OR51M1: variants seen among roughly 807,000 people sequenced by gnomAD.
OR51M1 encodes the protein olfactory receptor 51M1.
For missense variants in OR51M1, 509 were observed against 404.4 expected (o/e 1.26, Z -2.22); for synonymous variants, 199 against 155.1 (o/e 1.28, Z -2.10).
chr11:5,387,280 C>CA (rs1397461131), intron 2 of OR51M1, among the ~76,000 whole-genome samples: 15 of 151,982 alleles, frequency 9.9e-5, no homozygotes, highest in South Asian at 8.3e-4. Flanking sequence ...AACTATTGCA[C>CA]AAAAAAATCA....
intron 2 of OR51M1, among the ~76,000 whole-genome samples, chr11:5,388,962 G>A (rs1849746275): frequency 6.6e-6 from 1 of 152,124 alleles, no homozygotes; most frequent in East Asian, 1.9e-4. Flanking sequence ...CTGAGATAAT[G>A]AAAAGTACAG....
chr11:5,385,282 A>G (rs775076774), intron 1 of OR51M1, 71 bp from the exon 2 acceptor site: 9 of 152,150 alleles, frequency 5.9e-5, no homozygotes, highest in Non-Finnish European at 1.3e-4. Flanking sequence ...AAATCCCCTA[A>G]AGCTTTCTTC....
chr11:5,388,603 A>G (rs1471092486), intron 2 of OR51M1, among the ~76,000 whole-genome samples: 1 of 149,606 alleles, frequency 6.7e-6, no homozygotes, highest in Admixed American at 6.8e-5. Flanking sequence ...GTGAATATAC[A>G]GAGGAAATTA....
intron 2 of OR51M1, among the ~76,000 whole-genome samples, chr11:5,387,824 A>G (rs1849722345): frequency 6.6e-6 from 1 of 152,066 alleles, no homozygotes. Context: ...TGACTACCCT[A>G]TATAAAATGC....
In OR51M1 at chr11:5,390,443, G is replaced by T; in HGVS notation, c.*64G>T. The T allele has an allele frequency of 7.3e-7, 1 of 1,361,236 alleles. No homozygotes were observed. The highest frequency in any genetic ancestry group is 9.9e-7 in the Non-Finnish European group (1 of 1,012,536). The allele number at this position is 1,361,236 out of a possible 1,614,324, so 84.3% of individuals were successfully genotyped here. ...GGCCCCAAATTGGACTGAAAATTTG[G>T]AGTATTGAGTATATAGCATGCTCTT... On this transcript the variant is annotated 3_prime_UTR_variant, in exon 3 of 3. Coordinates refer to ENST00000642046, the MANE Select transcript of OR51M1 (RefSeq NM_001004756.3).
rs867526297 is a variant in OR51M1 at position 5,388,659 on chromosome 11, G to T, written c.-15-725G>T. Among the ~76,000 whole-genome samples, 23 of 150,774 alleles carry T rather than the reference G, an allele frequency of 1.5e-4. 1 individual carries two copies. Among genetic ancestry groups the T allele is most frequent in the South Asian group, 1.5e-3 (7 of 4,706 alleles). On this transcript the variant is annotated intron_variant, in intron 2 of 2. Coordinates refer to ENST00000642046, the MANE Select transcript of OR51M1 (RefSeq NM_001004756.3). ...TATACACGGAGAGAAAATAAGGTAGGGTCTTGAATGTCATTTTAAACCTTT... is the reference window on the plus strand; with the variant it reads ...TATACACGGAGAGAAAATAAGGTAGTGTCTTGAATGTCATTTTAAACCTTT...
intron 2 of OR51M1, 36 bp downstream of exon 2, chr11:5,385,494 A>G (rs564447366): frequency 1.6e-5 from 2 of 127,048 alleles, no homozygotes; most frequent in South Asian, 2.9e-4. Flanking sequence ...TTAGTTTTTC[A>G]TGCAAAAAAA....
Position 5,390,685 on chromosome 11 carries a change from A to C in OR51M1, c.*306A>C. ...AAAATGAAACTAAATAAAAACTAAA[A>C]AGAACAATAAATACCAGAGCACCCA... On this transcript the variant is annotated 3_prime_UTR_variant, in exon 3 of 3. Coordinates refer to ENST00000642046, the MANE Select transcript of OR51M1 (RefSeq NM_001004756.3). The C allele has an allele frequency of 3.6e-6, 1 of 278,988 alleles. No homozygotes were observed. The highest frequency in any genetic ancestry group is 6.7e-6 in the Non-Finnish European group (1 of 148,690). 17.3% of individuals were successfully genotyped at this position (278,988 alleles called of 1,614,324 possible).
chr11:5,391,994 A>T lies in OR51M1; in HGVS notation c.*1615A>T, dbSNP rs1849802534. The T allele has an allele frequency of 6.6e-6, 1 of 152,218 alleles. No individual in the cohort carries two copies. Among genetic ancestry groups the T allele is most frequent in the Non-Finnish European group, 1.5e-5 (1 of 68,048 alleles). The allele number at this position is 152,218 out of a possible 1,614,324, so 9.4% of individuals were successfully genotyped here. ...TGAGGTGGGAAGAATGCTTGAGCCC[A>T]GGAGGTTGAGGCTGCAGTGAGCCAT... On this transcript the variant is annotated 3_prime_UTR_variant, in exon 3 of 3. Coordinates refer to ENST00000642046, the MANE Select transcript of OR51M1 (RefSeq NM_001004756.3).
chr11:5,385,843 C>T (rs1849684268), intron 2 of OR51M1, among the ~76,000 whole-genome samples: 1 of 146,438 alleles, frequency 6.8e-6, no homozygotes, highest in Non-Finnish European at 1.5e-5. Context: ...AATGTATATA[C>T]TAAAATGTAT....
chr11:5,390,314 A>G lies in OR51M1; in HGVS notation c.916A>G (p.Ile306Val). The G allele has an allele frequency of 6.2e-7, 1 of 1,613,614 alleles. No individual in the cohort carries two copies. Residue 306 changes from isoleucine (I) to valine (V), a missense_variant, in exon 3 of 3, where the codon ATT becomes GTT. Coordinates refer to ENST00000642046, the MANE Select transcript of OR51M1 (RefSeq NM_001004756.3). Reference sequence around the variant, plus strand: ...CATGCTTAACCCAATCATATACAGCATTAAGACCAAGGAGATCCACCGTGC... The same window carrying G: ...CATGCTTAACCCAATCATATACAGCGTTAAGACCAAGGAGATCCACCGTGC... ...PPMLNPIIYS[I>V]KTKEIHRAII...
In OR51M1 at chr11:5,391,245, G is replaced by A. The variant is rs1234817711; in HGVS notation, c.*866G>A. 6.6e-6 allele frequency: 1 copy of A among 152,194 alleles called. No homozygotes were observed. The highest frequency in any genetic ancestry group is 2.4e-5 in the African/African-American group (1 of 41,436). 9.4% of individuals were successfully genotyped at this position (152,194 alleles called of 1,614,324 possible). A position where few individuals can be genotyped will look rare whatever the true frequency, so the allele number is the denominator to read the frequency against. ...CGAGTGACTAAATGCAATCCTTGCA[G>A]GGGTCTCAGCTTTGAAATTGCTTCC... On this transcript the variant is annotated 3_prime_UTR_variant, in exon 3 of 3. Coordinates refer to ENST00000642046, the MANE Select transcript of OR51M1 (RefSeq NM_001004756.3).
rs1483214068 is a variant in OR51M1, at chr11:5,389,495, G to T, written c.97G>T (p.Glu33Ter). The T allele has an allele frequency of 1.2e-6, 2 of 1,613,980 alleles. No homozygotes were observed. Among genetic ancestry groups the T allele is most frequent in the Middle Eastern group, 3.3e-4 (2 of 6,062 alleles). ...CTATCTCACCAGCTTTCCTGGATTG[G>T]AAGGCATCAAACACTGGATTTTCAT... The part of the protein sequence containing the change: ...IFYLTSFPGL[E>*]GIKHWIFIPF... Residue 33 changes from glutamate (E) to a stop codon, truncating the protein, a stop_gained, in exon 3 of 3, where the codon GAA (glutamate) becomes TAA (stop). Transcript: ENST00000642046. LOFTEE classifies it low-confidence loss of function (END_TRUNC).
At position 5,392,171 on chromosome 11, in the gene OR51M1, T is replaced by C. The variant is rs957271716; in HGVS notation, c.*1792T>C. On this transcript the variant is annotated 3_prime_UTR_variant, in exon 3 of 3. Transcript: ENST00000642046. ...GTTTCTTGTGTATGTTTGTGTGGTA[T>C]CTCATGTTTGTATGTGTGGGTGTTA... is the stretch of plus-strand genomic sequence containing the variant. 2 of 152,244 alleles carry C rather than the reference T, an allele frequency of 1.3e-5. No homozygotes were observed. Among genetic ancestry groups the C allele is most frequent in the African/African-American group, 4.8e-5 (2 of 41,476 alleles). The allele number at this position is 152,244 out of a possible 1,614,324, so 9.4% of individuals were successfully genotyped here. A position where few individuals can be genotyped will look rare whatever the true frequency, so the allele number is the denominator to read the frequency against.
Position 5,390,540 on chromosome 11 carries a change from G to C in OR51M1, c.*161G>C, listed in dbSNP as rs776770734. 5 of 615,134 alleles carry C rather than the reference G, an allele frequency of 8.1e-6. No homozygotes were observed. Among genetic ancestry groups the C allele is most frequent in the South Asian group, 2.6e-5 (1 of 38,780 alleles). 38.1% of individuals were successfully genotyped at this position (615,134 alleles called of 1,614,324 possible). On this transcript the variant is annotated 3_prime_UTR_variant, in exon 3 of 3. Coordinates refer to ENST00000642046, the MANE Select transcript of OR51M1 (RefSeq NM_001004756.3). ...TCTGGAGTTGTGGCTTTAAAAAACT[G>C]AACTTCTCTTGCTTAGATTTTAATG...
chr11:5,387,524 A>C (rs186712466), intron 2 of OR51M1, among the ~76,000 whole-genome samples: 1 of 152,304 alleles, frequency 6.6e-6, no homozygotes, highest in Admixed American at 6.5e-5. Flanking sequence ...CTCAACTCGA[A>C]GCTCACAAGT....
rs1849766819 is a variant in OR51M1, at chr11:5,389,909, A to G, written c.511A>G (p.Ile171Val). 6.2e-7 allele frequency: 1 copy of G among 1,611,656 alleles called. No homozygotes were observed. The highest frequency in any genetic ancestry group is 8.5e-7 in the Non-Finnish European group (1 of 1,179,842). ...CCGGGGACCTGTGGCCACTATCCCT[A>G]TTGTCCTCCTCCTGAAGGCTTTTCC... is the stretch of plus-strand genomic sequence containing the variant. ...IFRGPVATIP[I>V]VLLLKAFPYC... The change falls in exon 3 of 3, where the codon ATT (isoleucine) becomes GTT (valine). Residue 171 changes from isoleucine to valine, a missense_variant. Physicochemically the swap from Ile to Val is conservative, Grantham distance 29. Transcript: ENST00000642046.
At chr11:5,384,921 T>C (rs1849663159) in intron 1 of OR51M1, among the ~76,000 whole-genome samples, 1 of 152,190 alleles carries the variant, frequency 6.6e-6, no homozygotes, top group Non-Finnish European at 1.5e-5. Context: ...AAATGAATAA[T>C]CTGGTTCAAG....
At chr11:5,389,025 A>G (rs909837607) in intron 2 of OR51M1, among the ~76,000 whole-genome samples, 1 of 152,170 alleles carries the variant, frequency 6.6e-6, no homozygotes, top group Admixed American at 6.5e-5. Flanking sequence ...CTGGAATTAT[A>G]TATTTGTTAT....
Sources: allele counts gnomAD v4.1 joint callset (sites outside exome capture counted in the v4.1 genomes callset), GRCh38; gene constraint gnomAD v4.1.1; transcripts MANE v1.5; gene names NCBI Gene and HGNC (gene_info 2026-07-23, HGNC 2026-07-21).